DSCAM: variants seen among roughly 807,000 people sequenced by gnomAD.
DSCAM encodes DS cell adhesion molecule.
DSCAM carries 47 observed loss-of-function variants against 217.7 expected under a neutral mutation model. That is an observed-to-expected ratio of 0.22 (90% CI 0.17 to 0.28). DSCAM has a LOEUF of 0.28. Ranked by LOEUF, DSCAM falls within the 10% of genes least tolerant of loss-of-function variation. DSCAM has a pLI of 1.00. For missense variants in DSCAM, 2,080 were observed against 2,618.3 expected (o/e 0.79, Z 4.49); for synonymous variants, 1,056 against 1,015.3 (o/e 1.04, Z -0.76).
chr21:40,079,133 A>G (rs2072963432), intron 25 of DSCAM, among the ~76,000 whole-genome samples, 156 bp from the exon 26 acceptor site: 1 of 152,156 alleles, frequency 6.6e-6, no homozygotes, highest in Non-Finnish European at 1.5e-5. Context: ...CTGTTAATAG[A>G]GACTTTATGG....
chr21:40,451,796 A>G (rs2075721910), intron 3 of DSCAM, among the ~76,000 whole-genome samples: 1 of 152,210 alleles, frequency 6.6e-6, no homozygotes, highest in African/African-American at 2.4e-5. Flanking sequence ...CAAGTGTTCC[A>G]TTATTGGAAC....
chr21:40,788,366 C>T (rs1231420419), intron 1 of DSCAM, among the ~76,000 whole-genome samples: 1 of 152,066 alleles, frequency 6.6e-6, no homozygotes, highest in Non-Finnish European at 1.5e-5. Flanking sequence ...AAATTTGGTT[C>T]CCCTTTGTGT....
intron 2 of DSCAM, among the ~76,000 whole-genome samples, chr21:40,707,854 G>A (rs1208154174): frequency 1.3e-5 from 2 of 152,052 alleles, no homozygotes; most frequent in Non-Finnish European, 2.9e-5. Context: ...TTGACTTGTA[G>A]CAATGGTGAT....
intron 1 of DSCAM, among the ~76,000 whole-genome samples, chr21:40,837,253 A>G (rs776652879): frequency 1.4e-4 from 21 of 152,156 alleles, no homozygotes; most frequent in Admixed American, 1.4e-3. Flanking sequence ...AGCCTACAGC[A>G]TATTCTATAT....
chr21:40,592,937 G>A (rs1446917839), intron 3 of DSCAM, among the ~76,000 whole-genome samples: 1 of 152,176 alleles, frequency 6.6e-6, no homozygotes, highest in East Asian at 1.9e-4. Context: ...TGCAGATATT[G>A]TACCAGTGAT....
At chr21:40,024,228 T>C (rs1483154391) in intron 32 of DSCAM, among the ~76,000 whole-genome samples, 1 of 89,406 alleles carries the variant, frequency 1.1e-5, no homozygotes, top group Non-Finnish European at 2.5e-5. Flanking sequence ...CATTGATCTA[T>C]ATCTGTGTTT....
chr21:40,700,845 T>A (rs2090648677), intron 2 of DSCAM, among the ~76,000 whole-genome samples: 1 of 151,804 alleles, frequency 6.6e-6, no homozygotes. Flanking sequence ...CAAGCAATTC[T>A]CCTGTCTCAG....
At chr21:40,547,143 C>T (rs2076589830) in intron 3 of DSCAM, among the ~76,000 whole-genome samples, 1 of 152,158 alleles carries the variant, frequency 6.6e-6, no homozygotes, top group African/African-American at 2.4e-5. Flanking sequence ...GAAGACAGCC[C>T]AGAGGCAGAC....
chr21:40,167,174 C>A, intron 16 of DSCAM, 44 bp downstream of exon 16: 1 of 1,588,222 alleles, frequency 6.3e-7, no homozygotes, highest in Non-Finnish European at 8.6e-7. Context: ...AAGGGCTCGC[C>A]CTGGGGGGAA....
chr21:40,327,432 T>C (rs570128656), intron 8 of DSCAM, among the ~76,000 whole-genome samples: 1 of 152,342 alleles, frequency 6.6e-6, no homozygotes, highest in South Asian at 2.1e-4. Flanking sequence ...TTATTACTTC[T>C]AATCCTTTTT....
chr21:40,322,076 A>T (rs1239783884), intron 8 of DSCAM, among the ~76,000 whole-genome samples: 2 of 152,104 alleles, frequency 1.3e-5, no homozygotes, highest in African/African-American at 2.4e-5. Flanking sequence ...CTGCTCCTAA[A>T]ACACATACTG....
At chr21:40,350,043 T>C (rs2074612248) in intron 5 of DSCAM, among the ~76,000 whole-genome samples, 1 of 152,086 alleles carries the variant, frequency 6.6e-6, no homozygotes, top group Non-Finnish European at 1.5e-5. Context: ...GGTAATCTTC[T>C]CCTATTATTA....
chr21:40,805,084 C>T (rs908687064), intron 1 of DSCAM, among the ~76,000 whole-genome samples: 1 of 152,164 alleles, frequency 6.6e-6, no homozygotes, highest in African/African-American at 2.4e-5. Flanking sequence ...CTGTCATGAC[C>T]TCCCAAATGG....
At chr21:40,541,714 A>G (rs962716013) in intron 3 of DSCAM, among the ~76,000 whole-genome samples, 3 of 152,322 alleles carry the variant, frequency 2.0e-5, no homozygotes, top group East Asian at 1.9e-4. Flanking sequence ...TACATGTATT[A>G]AAATGAACTT....
At chr21:40,673,125 G>T (rs2090296563) in intron 3 of DSCAM, among the ~76,000 whole-genome samples, 1 of 152,074 alleles carries the variant, frequency 6.6e-6, no homozygotes, top group African/African-American at 2.4e-5. Context: ...CCCTATCCAA[G>T]CTCACTCCAC....
chr21:40,586,990 T>C (rs886179506), intron 3 of DSCAM, among the ~76,000 whole-genome samples: 1 of 152,134 alleles, frequency 6.6e-6, no homozygotes, highest in Non-Finnish European at 1.5e-5. Context: ...GAAGAGCAGA[T>C]GAGTAATTCA....
intron 11 of DSCAM, among the ~76,000 whole-genome samples, chr21:40,198,646 C>T (rs2091039690): frequency 6.6e-6 from 1 of 152,184 alleles, no homozygotes; most frequent in African/African-American, 2.4e-5. Context: ...ACCCAGATCC[C>T]CATGGACTGG....
chr21:40,649,935 T>C (rs1205525463), intron 3 of DSCAM, among the ~76,000 whole-genome samples: 1 of 152,150 alleles, frequency 6.6e-6, no homozygotes, highest in East Asian at 1.9e-4. Context: ...GACCTGGAGA[T>C]TGCAGAAGGC....
intron 20 of DSCAM, among the ~76,000 whole-genome samples, chr21:40,100,513 T>A (rs2089736298): frequency 6.6e-6 from 1 of 152,320 alleles, no homozygotes; most frequent in South Asian, 2.1e-4. Flanking sequence ...AATTTCTACA[T>A]GCATATTTTA....
Sources: allele counts gnomAD v4.1 joint callset (sites outside exome capture counted in the v4.1 genomes callset), GRCh38; gene constraint gnomAD v4.1.1; transcripts MANE v1.5; gene names NCBI Gene and HGNC (gene_info 2026-07-23, HGNC 2026-07-21).